OSBPL8: variants seen among roughly 807,000 people sequenced by gnomAD.
OSBPL8 encodes oxysterol-binding protein-related protein 8.
A neutral mutation model predicts 125.5 loss-of-function variants in OSBPL8; 59 were observed. The observed-to-expected ratio is 0.47, with a 90% CI of 0.38 to 0.58. The LOEUF (loss-of-function observed/expected upper bound fraction) is 0.58. Among genes scored for constraint, OSBPL8 ranks in the 20% least tolerant of loss-of-function variants. The pLI is 0.00. For synonymous variants in OSBPL8, 330 were observed against 338.9 expected, an observed-to-expected ratio of 0.97 and a Z score of 0.29; for missense variants, 758 against 1,047.8, an observed-to-expected ratio of 0.72 and a Z score of 3.82.
intron 3 of OSBPL8, among the ~76,000 whole-genome samples, chr12:76,455,314 A>T (rs1656948129): frequency 6.6e-6 from 1 of 152,142 alleles, no homozygotes; most frequent in Non-Finnish European, 1.5e-5. Flanking sequence ...TGATAGCTCA[A>T]TAAGGGCTCA....
chr12:76,548,816 G>T (rs187381874), intron 1 of OSBPL8, among the ~76,000 whole-genome samples: 1 of 152,256 alleles, frequency 6.6e-6, no homozygotes, highest in Non-Finnish European at 1.5e-5. Context: ...CAGGAACCTA[G>T]TCTGTCTTTC....
intron 1 of OSBPL8, chr12:76,538,006 A>G (rs1312202292): frequency 6.6e-6 from 1 of 151,038 alleles, no homozygotes; most frequent in African/African-American, 2.4e-5. Context: ...ACAAAGTTAC[A>G]GGGTTAAATT....
At chr12:76,416,249 C>A (rs1202367046) in intron 4 of OSBPL8, among the ~76,000 whole-genome samples, 1 of 151,836 alleles carries the variant, frequency 6.6e-6, no homozygotes, top group African/African-American at 2.4e-5. Flanking sequence ...AGATTTCTAA[C>A]ATAAAAAATA....
At chr12:76,397,669 A>AC in intron 8 of OSBPL8, 25 bp downstream of exon 8, 1 of 1,597,728 alleles carries the variant, frequency 6.3e-7, no homozygotes, top group Non-Finnish European at 8.6e-7. Context: ...TTTACCTTTC[A>AC]CCTATGTAAC....
intron 2 of OSBPL8, among the ~76,000 whole-genome samples, chr12:76,463,266 T>C (rs1318760633): frequency 1.3e-5 from 2 of 152,070 alleles, no homozygotes; most frequent in Non-Finnish European, 2.9e-5. Flanking sequence ...ATAGACCAAA[T>C]GTGAGATAAA....
intron 20 of OSBPL8, 48 bp from the exon 21 acceptor site, chr12:76,369,349 A>T: frequency 6.4e-7 from 1 of 1,558,084 alleles, no homozygotes; most frequent in Admixed American, 2.2e-5. Flanking sequence ...GACTAAACAA[A>T]GAACTTTAAA....
At chr12:76,500,354 C>A (rs1426262749) in intron 1 of OSBPL8, among the ~76,000 whole-genome samples, 1 of 152,192 alleles carries the variant, frequency 6.6e-6, no homozygotes, top group Non-Finnish European at 1.5e-5. Context: ...GAAAATATTT[C>A]TCTTGCAAAA....
intron 1 of OSBPL8, among the ~76,000 whole-genome samples, chr12:76,525,536 T>C (rs1565970174): frequency 9.3e-6 from 1 of 107,782 alleles, no homozygotes; most frequent in African/African-American, 5.2e-5. Context: ...TAGATACATA[T>C]GCTCTTAACT....
intron 22 of OSBPL8, among the ~76,000 whole-genome samples, chr12:76,357,587 T>C (rs2136122981): frequency 6.6e-6 from 1 of 152,314 alleles, no homozygotes; most frequent in East Asian, 1.9e-4. Flanking sequence ...TAAACCTTTA[T>C]TCGGTTCATT....
At chr12:76,499,549 T>C (rs1196942674) in intron 1 of OSBPL8, among the ~76,000 whole-genome samples, 1 of 152,068 alleles carries the variant, frequency 6.6e-6, no homozygotes, top group Non-Finnish European at 1.5e-5. Context: ...TAAAAGCCTT[T>C]ACTTCAATAT....
At chr12:76,392,488 T>C (rs1313676444) in intron 10 of OSBPL8, 93 bp downstream of exon 10, 4 of 1,239,392 alleles carry the variant, frequency 3.2e-6, no homozygotes, top group African/African-American at 3.0e-5. Context: ...ATTTCAGTCC[T>C]AGATACACTA....
At chr12:76,538,774 C>T (rs2137403237) in intron 1 of OSBPL8, among the ~76,000 whole-genome samples, 1 of 151,800 alleles carries the variant, frequency 6.6e-6, no homozygotes, top group South Asian at 2.1e-4. Flanking sequence ...ACGGTGAAAT[C>T]CCATCTCTAC....
chr12:76,468,985 A>G (rs1260952989), intron 2 of OSBPL8, among the ~76,000 whole-genome samples: 1 of 152,212 alleles, frequency 6.6e-6, no homozygotes, highest in Admixed American at 6.5e-5. Flanking sequence ...ACTATCAGAC[A>G]ACTCAGGTCT....
intron 4 of OSBPL8, among the ~76,000 whole-genome samples, chr12:76,440,792 AGTCTTTTACTCCT>A (rs1872095839): frequency 6.6e-6 from 1 of 152,162 alleles, no homozygotes. Flanking sequence ...AATGGGCCAC[AGTCTTTTACTCCT>A]TTCTCTTGCT....
At chr12:76,393,729 A>AT (rs1953667978) in intron 9 of OSBPL8, among the ~76,000 whole-genome samples, 1 of 126,562 alleles carries the variant, frequency 7.9e-6, no homozygotes, top group African/African-American at 3.3e-5. Flanking sequence ...AAAAAAAAAA[A>AT]AAAAAAATCT....
intron 1 of OSBPL8, among the ~76,000 whole-genome samples, chr12:76,545,086 T>C (rs1447351551): frequency 6.6e-6 from 1 of 152,188 alleles, no homozygotes; most frequent in Admixed American, 6.5e-5. Context: ...ATTTTCCCAG[T>C]GCATCTGTTC....
At chr12:76,491,727 A>G (rs1052461546) in intron 1 of OSBPL8, among the ~76,000 whole-genome samples, 1 of 152,226 alleles carries the variant, frequency 6.6e-6, no homozygotes, top group African/African-American at 2.4e-5. Flanking sequence ...CTTAACTAAT[A>G]CTGCCAACTC....
chr12:76,521,730 T>C (rs1882077908), intron 1 of OSBPL8, among the ~76,000 whole-genome samples: 1 of 152,202 alleles, frequency 6.6e-6, no homozygotes, highest in Admixed American at 6.5e-5. Flanking sequence ...ACTTTTATGA[T>C]GTATCTACAA....
intron 1 of OSBPL8, among the ~76,000 whole-genome samples, chr12:76,518,206 A>G (rs963254926): frequency 2.0e-5 from 3 of 152,346 alleles, no homozygotes; most frequent in Admixed American, 1.3e-4. Context: ...TTGGTGGTTC[A>G]GGTATTAATC....
Sources: gnomAD v4.1 joint callset for allele counts (sites outside exome capture counted in the v4.1 genomes callset) on GRCh38, gnomAD v4.1.1 for gene constraint, MANE v1.5 for transcripts, NCBI Gene and HGNC (gene_info 2026-07-23, HGNC 2026-07-21) for gene names.